TSPAN15: variants seen among roughly 807,000 people sequenced by gnomAD.
TSPAN15 encodes tetraspanin 15.
A neutral mutation model predicts 34.5 loss-of-function variants in TSPAN15; 20 were observed. That is an observed-to-expected ratio of 0.58 (90% confidence interval 0.41 to 0.84). TSPAN15 has a LOEUF of 0.84. Ranked by LOEUF, TSPAN15 falls within the 40% of genes least tolerant of loss-of-function variation. The pLI is 0.00. For missense variants in TSPAN15, 313 were observed against 386.1 expected (o/e 0.81, Z 1.59); for synonymous variants, 155 against 153.9 (o/e 1.01, Z -0.05).
At chr10:69,535,034 C>T in the TSPAN15 span, among the ~76,000 whole-genome samples, 2 of 151,940 alleles carry the variant, frequency 1.3e-5, no homozygotes, top group African/African-American at 4.8e-5. Context: ...ATTGGAAAAC[C>T]CCGTATGAAC....
At chr10:69,539,465 AGAAGGAGAAGG>A in the TSPAN15 span, among the ~76,000 whole-genome samples, 3 of 46,590 alleles carry the variant, frequency 6.4e-5, no homozygotes, top group South Asian at 6.3e-4. Flanking sequence ...AAGAAGAAGG[AGAAGGAGAAGG>A]AGAAGGAGAA....
At chr10:69,468,920 A>G (rs796190512) in intron 1 of TSPAN15, among the ~76,000 whole-genome samples, 3 of 152,272 alleles carry the variant, frequency 2.0e-5, no homozygotes, top group African/African-American at 7.2e-5. Context: ...CCTGATAGGA[A>G]TGCTTTTTGT....
intron 1 of TSPAN15, among the ~76,000 whole-genome samples, chr10:69,463,486 G>C (rs912117407): frequency 3.3e-5 from 5 of 152,178 alleles, no homozygotes; most frequent in African/African-American, 1.2e-4. Flanking sequence ...GGTGAGCTCT[G>C]TTGTGGGTTG....
At position 69,507,163 on chromosome 10, in the gene TSPAN15, C is replaced by T; in HGVS notation, c.*185C>T. On this transcript the variant is annotated 3_prime_UTR_variant, in exon 8 of 8. Transcript: ENST00000373290. ...TCCCCAGGGAGCAGAGCCTGGGCCT[C>T]CCCTAAGAGGCTTTCCCCGAGGCAG... is the stretch of plus-strand genomic sequence containing the variant. 3 of 1,431,040 alleles carry T rather than the reference C, an allele frequency of 2.1e-6. No individual in the cohort carries two copies. Among genetic ancestry groups the T allele is most frequent in the Non-Finnish European group, 2.7e-6 (3 of 1,099,272 alleles). 88.6% of individuals were successfully genotyped at this position (1,431,040 alleles called of 1,614,324 possible).
chr10:69,533,640 A>T, the TSPAN15 span, among the ~76,000 whole-genome samples: 1 of 152,182 alleles, frequency 6.6e-6, no homozygotes, highest in East Asian at 1.9e-4. Context: ...ACCAAACACC[A>T]TCCATACCCC....
At chr10:69,500,685 G>A (rs1842186692) in intron 5 of TSPAN15, among the ~76,000 whole-genome samples, 1 of 152,138 alleles carries the variant, frequency 6.6e-6, no homozygotes, top group African/African-American at 2.4e-5. Flanking sequence ...GATCAGATGA[G>A]ACCTCTCCCC....
At chr10:69,480,054 G>A (rs926283222) in intron 1 of TSPAN15, among the ~76,000 whole-genome samples, 4 of 152,200 alleles carry the variant, frequency 2.6e-5, no homozygotes, top group African/African-American at 7.2e-5. Context: ...AGAGCAAGGG[G>A]TTTTGTTTTC....
chr10:69,492,908 G>T (rs958583044), intron 3 of TSPAN15, among the ~76,000 whole-genome samples: 1 of 152,202 alleles, frequency 6.6e-6, no homozygotes, highest in African/African-American at 2.4e-5. Context: ...TGTCTGTGGT[G>T]CCTTGAGAGT....
the TSPAN15 span, among the ~76,000 whole-genome samples, chr10:69,537,193 CAG>C: frequency 6.6e-6 from 1 of 152,070 alleles, no homozygotes; most frequent in Non-Finnish European, 1.5e-5. Flanking sequence ...AAGTCAGGAC[CAG>C]GCTGCAGGGC....
intron 1 of TSPAN15, among the ~76,000 whole-genome samples, chr10:69,454,385 G>T (rs1841038875): frequency 6.6e-6 from 1 of 152,144 alleles, no homozygotes; most frequent in Non-Finnish European, 1.5e-5. Context: ...AGGCGTGGTG[G>T]TGTGTGCCTG....
the TSPAN15 span, among the ~76,000 whole-genome samples, chr10:69,537,007 G>A: frequency 2.7e-5 from 4 of 149,332 alleles, no homozygotes; most frequent in African/African-American, 7.4e-5. Flanking sequence ...AAAAAGCACA[G>A]CAGTCCTATT....
chr10:69,505,916 C>A, intron 6 of TSPAN15: 1 of 432,454 alleles, frequency 2.3e-6, no homozygotes, highest in Non-Finnish European at 4.1e-6. Context: ...ACCAAAAGTG[C>A]CACCACGGTG....
chr10:69,474,727 C>T (rs1188509384), intron 1 of TSPAN15, among the ~76,000 whole-genome samples: 28 of 152,110 alleles, frequency 1.8e-4, no homozygotes, highest in Admixed American at 1.8e-3. Flanking sequence ...CCACCCAGCT[C>T]TTCATTCCTG....
rs1284905742 is a variant in TSPAN15 at position 69,494,190 on chromosome 10, C to T, written c.358-1404C>T. Among the ~76,000 whole-genome samples the T allele has an allele frequency of 4.6e-5, 7 of 152,156 alleles. 1 individual carries two copies. Among genetic ancestry groups the T allele is most frequent in the South Asian group, 4.1e-4 (2 of 4,820 alleles). ...TGTGAGAGTGGGGTTGGCCAGGACTCGTGCCTCAGAGGCTGCCTCCATTGC... is the reference window on the plus strand; with the variant it reads ...TGTGAGAGTGGGGTTGGCCAGGACTTGTGCCTCAGAGGCTGCCTCCATTGC... On this transcript the variant is annotated intron_variant, in intron 3 of 7. Transcript: ENST00000373290.
chr10:69,518,282 G>T, the TSPAN15 span, among the ~76,000 whole-genome samples: 1 of 152,360 alleles, frequency 6.6e-6, no homozygotes, highest in Non-Finnish European at 1.5e-5. Flanking sequence ...GTTATGGACA[G>T]AGCATCACTG....
At chr10:69,496,794 T>C (rs545209653) in intron 4 of TSPAN15, among the ~76,000 whole-genome samples, 72 of 152,334 alleles carry the variant, frequency 4.7e-4, no homozygotes, top group African/African-American at 1.6e-3. Context: ...AGGTGCAGCC[T>C]CTGGAAGGTC....
At chr10:69,517,797 G>C in the TSPAN15 span, among the ~76,000 whole-genome samples, 1 of 152,226 alleles carries the variant, frequency 6.6e-6, no homozygotes, top group Admixed American at 6.5e-5. Flanking sequence ...TGAGGGGCCT[G>C]CGTGGGAGCC....
the TSPAN15 span, among the ~76,000 whole-genome samples, chr10:69,519,975 GC>G: frequency 1.3e-5 from 2 of 152,164 alleles, no homozygotes; most frequent in Admixed American, 1.3e-4. Flanking sequence ...CAGGTGATCT[GC>G]CCGCTTTGGC....
At chr10:69,502,898 C>G (rs1842240142) in intron 5 of TSPAN15, among the ~76,000 whole-genome samples, 1 of 152,224 alleles carries the variant, frequency 6.6e-6, no homozygotes, top group Non-Finnish European at 1.5e-5. Context: ...TGTTCATTAT[C>G]TCCCTTTCTA....
Sources: allele counts gnomAD v4.1 joint callset (sites outside exome capture counted in the v4.1 genomes callset), GRCh38; gene constraint gnomAD v4.1.1; transcripts MANE v1.5; gene names NCBI Gene and HGNC (gene_info 2026-07-23, HGNC 2026-07-21).